The following KIF1A variants were observed in gnomAD, a reference collection of about 807,000 sequenced individuals.
KIF1A encodes kinesin-like protein KIF1A.
A neutral mutation model predicts 227.3 loss-of-function variants in KIF1A; 46 were observed. The observed-to-expected ratio is 0.20, with a 90% CI of 0.16 to 0.26. KIF1A has a LOEUF of 0.26. Among genes scored for constraint, KIF1A ranks in the 10% least tolerant of loss-of-function variants. KIF1A has a pLI of 1.00. For missense variants in KIF1A, 1,683 were observed against 2,485.9 expected (o/e 0.68, Z 6.87); for synonymous variants, 1,022 against 1,012.8 (o/e 1.01, Z -0.17).
At chr2:240,773,952 G>A (rs2052381421) in intron 12 of KIF1A, among the ~76,000 whole-genome samples, 1 of 152,174 alleles carries the variant, frequency 6.6e-6, no homozygotes, top group Admixed American at 6.5e-5. Flanking sequence ...CGGGGCCCTG[G>A]GCTGCCTGCA....
intron 38 of KIF1A, among the ~76,000 whole-genome samples, chr2:240,729,919 C>T (rs1463227439): frequency 6.6e-6 from 1 of 152,236 alleles, no homozygotes; most frequent in Non-Finnish European, 1.5e-5. Context: ...AGCCATGGTG[C>T]TGCCCCTGGG....
chr2:240,792,092 C>T lies in KIF1A; in HGVS notation c.107-2780G>A, dbSNP rs2055785987. On this transcript the variant is annotated intron_variant, in intron 2 of 48. Coordinates refer to ENST00000498729, the MANE Select transcript of KIF1A (RefSeq NM_001244008.2). The surrounding 1 kb of genome is among the most constrained non-coding windows in gnomAD (Gnocchi z 4.5). ...GTCACTACAGATGGGCCCCAAGCTC[C>T]AGAGAGGGGAGGTCCTCTCCCCCGG... 6.6e-6 allele frequency among the ~76,000 whole-genome samples: 1 copy of T among 152,020 alleles called. No homozygotes were observed. Among genetic ancestry groups the T allele is most frequent in the South Asian group, 2.1e-4 (1 of 4,812 alleles).
chr2:240,740,289 G>A lies in KIF1A; in HGVS notation c.3816+9C>T, dbSNP rs527731125. On this transcript the variant is annotated intron_variant, in intron 36 of 48. Transcript: ENST00000498729. This position sits in a 1 kb window ranked among gnomAD's most constrained non-coding sequence, Gnocchi z 6.1. ...ACACAGGCAGGGTAGGGGCAAGAGG[G>A]GCTCACACCTGGTGGAGGAGGAAGG... 1.6e-4 allele frequency: 251 copies of A among 1,612,206 alleles called. 5 individuals carry two copies. The South Asian group carries it at 1.7e-3, about 11-fold the overall frequency.
intron 1 of KIF1A, among the ~76,000 whole-genome samples, chr2:240,815,104 C>T (rs1675363779): frequency 6.6e-6 from 1 of 152,210 alleles, no homozygotes; most frequent in Non-Finnish European, 1.5e-5. Context: ...CAAGGACCTG[C>T]ACCCATGGTG....
intron 33 of KIF1A, among the ~76,000 whole-genome samples, 152 bp from the exon 34 acceptor site, chr2:240,743,136 G>A (rs1203898165): frequency 6.6e-6 from 1 of 152,118 alleles, no homozygotes; most frequent in East Asian, 1.9e-4. Flanking sequence ...GGGAGGAAGA[G>A]GAGGGACCCT....
At chr2:240,817,734 T>C (rs2058431373) in intron 1 of KIF1A, among the ~76,000 whole-genome samples, 1 of 152,122 alleles carries the variant, frequency 6.6e-6, no homozygotes, top group Admixed American at 6.6e-5. Flanking sequence ...CTGAGTGGCC[T>C]GAAGAGATGC....
Position 240,763,056 on chromosome 2 carries a change from C to T in KIF1A, c.1985G>A (p.Arg662Gln), listed in dbSNP as rs1445947271. ...CTCCAGCAGGTAGGTGGCCTCCTCCCGCTCGCGGCGGTACTGGTCCTCCAG... is the reference window on the plus strand; with the variant it reads ...CTCCAGCAGGTAGGTGGCCTCCTCCTGCTCGCGGCGGTACTGGTCCTCCAG... Reference protein sequence around the residue: ...QELEDQYRREREEATYLLEQQ... With the variant: ...QELEDQYRREQEEATYLLEQQ... Residue 662 changes from arginine to glutamine, a missense_variant, in exon 22 of 49, where the codon CGG becomes CAG. Arg to Gln is a conservative substitution (Grantham distance 43, BLOSUM62 1). This residue lies in a region of KIF1A where 217 missense variants were observed against 427.0 expected (regional missense o/e 0.51). Coordinates refer to ENST00000498729, the MANE Select transcript of KIF1A (RefSeq NM_001244008.2). The T allele has an allele frequency of 1.9e-6, 3 of 1,544,064 alleles. No homozygotes were observed. Among genetic ancestry groups the T allele is most frequent in the African/African-American group, 1.4e-5 (1 of 73,520 alleles).
chr2:240,809,668 A>ATTTT lies in KIF1A; in HGVS notation c.-61+10450_-61+10453dup, dbSNP rs59491347. Among the ~76,000 whole-genome samples the ATTTT allele has an allele frequency of 1.5e-3, 205 of 140,352 alleles. 2 individuals carry two copies. Among genetic ancestry groups the ATTTT allele is most frequent in the African/African-American group, 4.9e-3 (182 of 37,304 alleles). 92.1% of individuals were successfully genotyped at this position (140,352 alleles called of 152,430 possible). On this transcript the variant is annotated intron_variant, in intron 1 of 48. Transcript: ENST00000498729. Reference sequence around the variant, plus strand: ...TCTTCACGCTACCCCTAGGGAAGGAATTTTTTTTTTTTTTTTTTGAGACAG... The same window carrying ATTTT: ...TCTTCACGCTACCCCTAGGGAAGGAATTTTTTTTTTTTTTTTTTTTTTGAGACAG...
At chr2:240,796,002 C>T (rs1426891923) in intron 2 of KIF1A, among the ~76,000 whole-genome samples, 1 of 152,222 alleles carries the variant, frequency 6.6e-6, no homozygotes, top group Non-Finnish European at 1.5e-5. Context: ...GTGCTGCCGG[C>T]ACCCAGTGGG....
chr2:240,776,921 CTCTGCGAGCAGGGTT>C (rs1251254311), intron 10 of KIF1A, among the ~76,000 whole-genome samples: 1 of 152,274 alleles, frequency 6.6e-6, no homozygotes, highest in Non-Finnish European at 1.5e-5. Context: ...GCACTGGCTT[CTCTGCGAGCAGGGTT>C]TCAGGGTGTC....
At chr2:240,807,800 A>G (rs1053356217) in intron 1 of KIF1A, among the ~76,000 whole-genome samples, 2 of 152,258 alleles carry the variant, frequency 1.3e-5, no homozygotes, top group African/African-American at 4.8e-5. Context: ...AAATACAGTA[A>G]CAAATAAAAA....
chr2:240,789,316 T>C lies in KIF1A; in HGVS notation c.107-4A>G. ...GGCTGTTTGGGGTTAACAATGGCTGTGGGAGGGAACACAGGTGGTTAGCGC... is the reference window on the plus strand; with the variant it reads ...GGCTGTTTGGGGTTAACAATGGCTGCGGGAGGGAACACAGGTGGTTAGCGC... On this transcript the variant is annotated splice_polypyrimidine_tract_variant and splice_region_variant and intron_variant, in intron 2 of 48. Coordinates refer to ENST00000498729, the MANE Select transcript of KIF1A (RefSeq NM_001244008.2). The surrounding 1 kb of genome is among the most constrained non-coding windows in gnomAD (Gnocchi z 4.8). The C allele has an allele frequency of 6.2e-7, 1 of 1,613,074 alleles. No individual in the cohort carries two copies. Among genetic ancestry groups the C allele is most frequent in the Non-Finnish European group, 8.5e-7 (1 of 1,179,070 alleles).
chr2:240,740,084 C>T lies in KIF1A; in HGVS notation c.3875G>A (p.Trp1292Ter). 1 of 1,590,164 alleles carries T rather than the reference C, an allele frequency of 6.3e-7. No individual in the cohort carries two copies. The highest frequency in any genetic ancestry group is 8.6e-7 in the Non-Finnish European group (1 of 1,168,664). The change falls in exon 37 of 49, where the codon TGG (tryptophan) becomes TAG (stop). Residue 1292 changes from tryptophan to a stop codon, truncating the protein, a stop_gained. Coordinates refer to ENST00000498729, the MANE Select transcript of KIF1A (RefSeq NM_001244008.2). LOFTEE classifies it high-confidence loss of function. This position sits in a 1 kb window ranked among gnomAD's most constrained non-coding sequence, Gnocchi z 6.1. ...LLHETGSHIR[W>*]KEVRELVVGR... Reference sequence around the variant, plus strand: ...CACGACCAGCTCGCGCACTTCCTTCCAGCGGATATGGCTGCCTGTCTCATG... The same window carrying T: ...CACGACCAGCTCGCGCACTTCCTTCTAGCGGATATGGCTGCCTGTCTCATG...
At chr2:240,800,568 T>C (rs2056885101) in intron 1 of KIF1A, among the ~76,000 whole-genome samples, 1 of 152,174 alleles carries the variant, frequency 6.6e-6, no homozygotes, top group Non-Finnish European at 1.5e-5. Flanking sequence ...CAGAGAGCCG[T>C]TGCTGAGGGA....
chr2:240,785,193 G>A lies in KIF1A; in HGVS notation c.609-93C>T, dbSNP rs377243354. The A allele has an allele frequency of 1.7e-5, 18 of 1,036,960 alleles. No individual in the cohort carries two copies. The Middle Eastern group carries it at 9.2e-4, about 53-fold the overall frequency. The allele number at this position is 1,036,960 out of a possible 1,614,324, so 64.2% of individuals were successfully genotyped here. ...CCAGCCCTCTGAACCAGGTCATCGG[G>A]GGGGGCAGTTCCCCCAGACCCCAGG... is the stretch of plus-strand genomic sequence containing the variant. On this transcript the variant is annotated intron_variant, in intron 6 of 48. Coordinates refer to ENST00000498729, the MANE Select transcript of KIF1A (RefSeq NM_001244008.2).
intron 10 of KIF1A, chr2:240,782,268 C>T: frequency 3.3e-6 from 3 of 911,376 alleles, no homozygotes; most frequent in Non-Finnish European, 2.6e-6. Flanking sequence ...TCTCCATGTC[C>T]GAGGGGCTCC....
At chr2:240,763,540 C>G (rs2125907700) in intron 20 of KIF1A, among the ~76,000 whole-genome samples, 194 bp from the exon 21 acceptor site, 1 of 152,330 alleles carries the variant, frequency 6.6e-6, no homozygotes, top group South Asian at 2.1e-4. Context: ...CCACCCTTGG[C>G]CACTCTCCAC....
rs2055471780 is a variant in KIF1A, at chr2:240,790,053, C to T, written c.107-741G>A. Reference sequence around the variant, plus strand: ...CAGGAGCTCCTCCCACCCACACAGCCTGCAAGTATCTCAGGGACCCAGCAC... The same window carrying T: ...CAGGAGCTCCTCCCACCCACACAGCTTGCAAGTATCTCAGGGACCCAGCAC... On this transcript the variant is annotated intron_variant, in intron 2 of 48. Transcript: ENST00000498729. This position sits in a 1 kb window ranked among gnomAD's most constrained non-coding sequence, Gnocchi z 5.0. Among the ~76,000 whole-genome samples the T allele has an allele frequency of 6.6e-6, 1 of 152,234 alleles. No individual in the cohort carries two copies. The highest frequency in any genetic ancestry group is 1.5e-5 in the Non-Finnish European group (1 of 68,034).
intron 20 of KIF1A, among the ~76,000 whole-genome samples, chr2:240,764,672 G>A (rs1207311704): frequency 1.3e-5 from 2 of 152,176 alleles, no homozygotes; most frequent in Admixed American, 6.5e-5. Context: ...ATGTCAGCCT[G>A]GCCAGGCCAC....
Sources: allele counts gnomAD v4.1 joint callset (sites outside exome capture counted in the v4.1 genomes callset), GRCh38; gene constraint gnomAD v4.1.1; regional missense constraint gnomAD v4.1.1; non-coding constraint Gnocchi (gnomAD v3.1); transcripts MANE v1.5; gene names NCBI Gene and HGNC (gene_info 2026-07-23, HGNC 2026-07-21).